PCDH11X: variants seen among roughly 807,000 people sequenced by gnomAD.
PCDH11X encodes the protein protocadherin 11 X-linked, also known as protocadherin-11 X-linked.
A neutral mutation model predicts 53.3 loss-of-function variants in PCDH11X; 18 were observed. The ratio of observed to expected loss-of-function variants is 0.34; its 90% CI spans 0.23 to 0.50. The LOEUF (loss-of-function observed/expected upper bound fraction) is 0.50, where lower values mean the gene tolerates loss of function less well. Among genes scored for constraint, PCDH11X ranks in the 20% least tolerant of loss-of-function variants. PCDH11X has a pLI of 0.98. For missense variants in PCDH11X, 570 were observed against 1,032.4 expected (o/e 0.55, Z 6.14); for synonymous variants, 279 against 393.3 (o/e 0.71, Z 3.44).
chrX:92,231,582 A>T (rs67868518), intron 7 of PCDH11X, among the ~76,000 whole-genome samples: 19,612 of 111,206 alleles, frequency 0.18, 1,384 homozygotes, highest in Admixed American at 0.29. Context: ...CGTTGTTTGA[A>T]TTAGACCTAC....
intron 1 of PCDH11X, among the ~76,000 whole-genome samples, chrX:91,782,195 C>A (rs1184670460): frequency 9.0e-6 from 1 of 111,567 alleles, no homozygotes; most frequent in African/African-American, 3.3e-5. Flanking sequence ...TCCAGTCCCT[C>A]GCTCCTCAGA....
intron 6 of PCDH11X, among the ~76,000 whole-genome samples, chrX:92,036,308 A>G (rs1316324162): frequency 1.8e-5 from 2 of 109,351 alleles, no homozygotes; most frequent in Admixed American, 9.9e-5. Flanking sequence ...GGTCTTTGAT[A>G]TGGTTTGGCT....
intron 7 of PCDH11X, among the ~76,000 whole-genome samples, chrX:92,234,587 G>GTA (rs2067138367): frequency 8.9e-6 from 1 of 111,784 alleles, no homozygotes; most frequent in Non-Finnish European, 1.9e-5. Flanking sequence ...GTGTGTGTGT[G>GTA]TATATACATA....
intron 8 of PCDH11X, among the ~76,000 whole-genome samples, chrX:92,285,999 T>C (rs992436422): frequency 8.9e-6 from 1 of 112,716 alleles, no homozygotes; most frequent in East Asian, 2.8e-4. Context: ...ATGCTATTGT[T>C]TGTGGTTTAG....
chrX:92,410,252 C>A (rs2071612910), intron 9 of PCDH11X, among the ~76,000 whole-genome samples: 5 of 109,715 alleles, frequency 4.6e-5, no homozygotes, highest in Admixed American at 3.9e-4. Flanking sequence ...GAATTATAAG[C>A]AATTTTCTCT....
chrX:92,033,160 A>G (rs1282731070), intron 6 of PCDH11X, among the ~76,000 whole-genome samples: 1 of 110,648 alleles, frequency 9.0e-6, no homozygotes, highest in Non-Finnish European at 1.9e-5. Flanking sequence ...TTTGTTGAGG[A>G]TTTTTGCATC....
chrX:91,994,730 C>A (rs1405580837), intron 6 of PCDH11X, among the ~76,000 whole-genome samples: 1 of 111,225 alleles, frequency 9.0e-6, no homozygotes, highest in African/African-American at 3.3e-5. Flanking sequence ...ACACTGTTTT[C>A]CATAATGGCT....
At chrX:92,353,219 G>A (rs2148528967) in intron 8 of PCDH11X, among the ~76,000 whole-genome samples, 1 of 111,736 alleles carries the variant, frequency 8.9e-6, no homozygotes, top group African/African-American at 3.3e-5. Context: ...AATGAAAATT[G>A]GCATCTTCCT....
At chrX:92,365,914 C>T (rs1022856969) in intron 8 of PCDH11X, among the ~76,000 whole-genome samples, 6 of 110,440 alleles carry the variant, frequency 5.4e-5, no homozygotes, top group South Asian at 3.9e-4. Flanking sequence ...TTCGCATGGA[C>T]GTTCATCAGG....
At chrX:91,810,854 T>C (rs1936271233) in intron 3 of PCDH11X, among the ~76,000 whole-genome samples, 2 of 111,770 alleles carry the variant, frequency 1.8e-5, no homozygotes, top group Non-Finnish European at 3.8e-5. Context: ...ATCTATCCTG[T>C]CTACTGTTTG....
rs373986158 is a variant in PCDH11X at position 92,012,891 on chromosome X, T to A, written c.3033+133618T>A. 9.2e-4 allele frequency among the ~76,000 whole-genome samples: 103 copies of A among 111,551 alleles called. No individual in the cohort carries two copies. In the East Asian group the frequency reaches 0.013, roughly 14 times the overall value. On this transcript the variant is annotated intron_variant, in intron 6 of 10. Coordinates refer to ENST00000682573, the MANE Select transcript of PCDH11X (RefSeq NM_032968.5). ...CTTATTAAGTGTGCAATAGCATTAA[T>A]GTCTAATAAAATAATGTGCGTCAGC...
chrX:92,232,601 A>C (rs775231096), intron 7 of PCDH11X, among the ~76,000 whole-genome samples: 3 of 112,200 alleles, frequency 2.7e-5, no homozygotes, highest in African/African-American at 9.7e-5. Context: ...ACATGTATTC[A>C]CTTATTTTTT....
At chrX:91,809,324 T>C (rs942407253) in intron 1 of PCDH11X, among the ~76,000 whole-genome samples, 142 bp from the exon 2 acceptor site, 3 of 110,867 alleles carry the variant, frequency 2.7e-5, no homozygotes, top group Non-Finnish European at 3.8e-5. Context: ...TTCCGTTACC[T>C]CAAAGTATTC....
At chrX:91,816,638 G>A (rs6652286) in intron 4 of PCDH11X, among the ~76,000 whole-genome samples, 13,643 of 110,789 alleles carry the variant, frequency 0.12, 2,060 homozygotes, top group African/African-American at 0.42. Context: ...GTAGAAATAT[G>A]AGGAAATTTG....
chrX:92,032,901 A>G (rs2063074005), intron 6 of PCDH11X, among the ~76,000 whole-genome samples: 1 of 107,155 alleles, frequency 9.3e-6, no homozygotes, highest in Non-Finnish European at 1.9e-5. Flanking sequence ...TGCTGTCTCA[A>G]CTTCCTGGGC....
intron 6 of PCDH11X, among the ~76,000 whole-genome samples, chrX:92,151,318 G>A (rs1212705733): frequency 3.6e-5 from 4 of 109,633 alleles, no homozygotes; most frequent in African/African-American, 1.3e-4. Context: ...TCAGCCTTCC[G>A]AGTAGCTGGG....
chrX:92,354,956 T>G (rs1469491216), intron 8 of PCDH11X, among the ~76,000 whole-genome samples: 3 of 110,297 alleles, frequency 2.7e-5, no homozygotes, highest in Non-Finnish European at 5.7e-5. Flanking sequence ...AACAGCAAAA[T>G]GTTGTGAACA....
At chrX:91,980,646 G>C (rs1025235958) in intron 6 of PCDH11X, among the ~76,000 whole-genome samples, 3 of 105,759 alleles carry the variant, frequency 2.8e-5, no homozygotes, top group African/African-American at 1.0e-4. Flanking sequence ...CATTGGCCTT[G>C]CTGGTCTCCA....
intron 6 of PCDH11X, among the ~76,000 whole-genome samples, chrX:92,167,316 A>C (rs1233755026): frequency 2.7e-5 from 3 of 111,973 alleles, no homozygotes; most frequent in Non-Finnish European, 3.8e-5. Flanking sequence ...AAAAATAGGC[A>C]AACTAGGGGC....
Sources: allele counts gnomAD v4.1 joint callset (sites outside exome capture counted in the v4.1 genomes callset), GRCh38; gene constraint gnomAD v4.1.1; transcripts MANE v1.5; gene names NCBI Gene and HGNC (gene_info 2026-07-23, HGNC 2026-07-21).